Variants in GSTZ1 observed in about 807,000 individuals in gnomAD.
The protein encoded by GSTZ1 is glutathione S-transferase zeta 1.
GSTZ1 carries 34 observed loss-of-function variants against 35.9 expected under a neutral mutation model. That is an observed-to-expected ratio of 0.95 (90% CI 0.72 to 1.26). The LOEUF is 1.26. Ranked by LOEUF, GSTZ1 falls within the 50% of genes most tolerant of loss-of-function variation. GSTZ1 has a pLI of 0.00. For synonymous variants in GSTZ1, 93 were observed against 101.2 expected (o/e 0.92, Z 0.49); for missense variants, 263 against 271.7 (o/e 0.97, Z 0.23).
chr14:77,327,831 A>G (rs751343383), intron 4 of GSTZ1, 81 bp from the exon 5 acceptor site: 8 of 1,348,022 alleles, frequency 5.9e-6, no homozygotes, highest in Admixed American at 1.7e-5. Flanking sequence ...GGAAGAGGAG[A>G]AGGAGGAGTT....
Position 77,328,050 on chromosome 14 carries a change from T to G in GSTZ1, c.342+13T>G. 1 of 1,612,818 alleles carries G rather than the reference T, an allele frequency of 6.2e-7. No homozygotes were observed. The highest frequency in any genetic ancestry group is 8.5e-7 in the Non-Finnish European group (1 of 1,179,440). The stretch of plus-strand genomic sequence containing the variant: ...CCAGCCCCTGCAGGTGTGGCACTTG[T>G]ACACTTGCACCCTTGCACACCTGAC... On this transcript the variant is annotated intron_variant, in intron 5 of 8. Coordinates refer to ENST00000216465, the MANE Select transcript of GSTZ1 (RefSeq NM_145870.3).
Position 77,321,492 on chromosome 14 carries a change from G to A in GSTZ1, c.15+309G>A, listed in dbSNP as rs8177541. ...ATAACAGACCCCTCCCTCCACTAAG[G>A]CTTCCAAACGTCGCCCCAAGCCTCC... On this transcript the variant is annotated intron_variant, in intron 1 of 8. Coordinates refer to ENST00000216465, the MANE Select transcript of GSTZ1 (RefSeq NM_145870.3). The A allele has an allele frequency of 2.5e-3, 3,517 of 1,425,698 alleles. 64 individuals are homozygous for A. In the African/African-American group the frequency reaches 0.042, roughly 17 times the overall value. 88.3% of individuals were successfully genotyped at this position (1,425,698 alleles called of 1,614,324 possible).
At chr14:77,328,245 A>C in intron 5 of GSTZ1, 2 of 581,180 alleles carry the variant, frequency 3.4e-6, no homozygotes. Context: ...CGTTCCGAGA[A>C]GCTCTAGTTT....
At position 77,327,916 on chromosome 14, in the gene GSTZ1, C is replaced by G; in HGVS notation, c.221C>G (p.Ala74Gly). 6.2e-7 allele frequency: 1 copy of G among 1,613,846 alleles called. No homozygotes were observed. Among genetic ancestry groups the G allele is most frequent in the Non-Finnish European group, 8.5e-7 (1 of 1,179,888 alleles). The change falls in exon 5 of 9, where the codon GCC becomes GGC. Residue 74 changes from alanine to glycine, a missense_variant. Transcript: ENST00000216465. ...TCACTGCTCCCCTCTGGACAGCTGG[C>G]CATCATTGAGTATCTAGAGGAGATG... ...IDGITIHQSL[A>G]IIEYLEEMRP... is the part of the protein sequence containing the mutation.
chr14:77,328,227 C>T (rs182146348), intron 5 of GSTZ1, 190 bp downstream of exon 5: 191 of 621,926 alleles, frequency 3.1e-4, no homozygotes, highest in African/African-American at 2.9e-3. Flanking sequence ...CCAGCGGGTC[C>T]CCCGCTGCGT....
At position 77,324,858 on chromosome 14, in the gene GSTZ1, C is replaced by G; in HGVS notation, c.16-12C>G. ...ATGGGTTAACACGCGCCTTCATCCTCTCTCTCCTCAGCCCATCCTCTATTC... is the reference window on the plus strand; with the variant it reads ...ATGGGTTAACACGCGCCTTCATCCTGTCTCTCCTCAGCCCATCCTCTATTC... On this transcript the variant is annotated splice_polypyrimidine_tract_variant and intron_variant, in intron 1 of 8. Coordinates refer to ENST00000216465, the MANE Select transcript of GSTZ1 (RefSeq NM_145870.3). 6.2e-7 allele frequency: 1 copy of G among 1,613,870 alleles called. No individual in the cohort carries two copies. Among genetic ancestry groups the G allele is most frequent in the Non-Finnish European group, 8.5e-7 (1 of 1,179,696 alleles).
rs910377733 is a variant in GSTZ1 at position 77,327,750 on chromosome 14, A to T, written c.217-162A>T. On this transcript the variant is annotated intron_variant, in intron 4 of 8. Transcript: ENST00000216465. The stretch of plus-strand genomic sequence containing the variant: ...CACATGGAGAACCAAGTTCTGCATG[A>T]TAAGGTCCAAAAAGGCTTATAGGGC... The T allele has an allele frequency of 7.7e-5, 58 of 752,286 alleles. 2 individuals carry two copies. The Middle Eastern group carries it at 1.9e-3, about 24-fold the overall frequency. 46.6% of individuals were successfully genotyped at this position (752,286 alleles called of 1,614,324 possible).
chr14:77,329,726 A>T (rs902052133), intron 6 of GSTZ1, 29 bp from the exon 7 acceptor site: 14 of 1,596,142 alleles, frequency 8.8e-6, no homozygotes, highest in Non-Finnish European at 1.1e-5. Context: ...CTGCGCCCAG[A>T]ATAAGATGTT....
intron 1 of GSTZ1, 29 bp downstream of exon 1, chr14:77,321,212 A>G: frequency 6.6e-7 from 1 of 1,508,048 alleles, no homozygotes; most frequent in Admixed American, 2.2e-5. Context: ...GGTGGAGGGA[A>G]GCTGGTTAGA....
At chr14:77,328,276 G>T in intron 5 of GSTZ1, 1 of 525,144 alleles carries the variant, frequency 1.9e-6, no homozygotes, top group Non-Finnish European at 3.4e-6. Context: ...ATGTACAGGT[G>T]CTTGGGGTGG....
At chr14:77,321,434 C>A (rs1327856791) in intron 1 of GSTZ1, 3 of 1,524,424 alleles carry the variant, frequency 2.0e-6, no homozygotes, top group Non-Finnish European at 2.6e-6. Flanking sequence ...TGTCCGGTCG[C>A]GCTTCACTTC....
At chr14:77,330,029 G>A (rs1892536743) in intron 7 of GSTZ1, 1 of 650,968 alleles carries the variant, frequency 1.5e-6, no homozygotes, top group Non-Finnish European at 2.8e-6. Context: ...TTGAGGGATT[G>A]TGCTAGATGA....
chr14:77,328,353 G>A (rs1892446918), intron 5 of GSTZ1: 1 of 370,118 alleles, frequency 2.7e-6, no homozygotes, highest in Admixed American at 4.3e-5. Context: ...CCTTTAACCA[G>A]AGCAGCTTCC....
chr14:77,322,891 G>A (rs760305324), intron 1 of GSTZ1: 8 of 161,286 alleles, frequency 5.0e-5, no homozygotes, highest in Non-Finnish European at 1.0e-4. Context: ...GTGGCAGAGG[G>A]GAGAGGGAGC....
In GSTZ1 at chr14:77,328,154, G is replaced by A; in HGVS notation, c.342+117G>A. The A allele has an allele frequency of 2.9e-6, 3 of 1,031,434 alleles. No homozygotes were observed. The East Asian group carries it at 7.7e-5, about 27-fold the overall frequency. The allele number at this position is 1,031,434 out of a possible 1,614,324, so 63.9% of individuals were successfully genotyped here. ...GTCAAGGGAGGGAGGGGGATTCTCA[G>A]GGCCTCTGACCTGGACCATGTGAAA... On this transcript the variant is annotated intron_variant, in intron 5 of 8. Coordinates refer to ENST00000216465, the MANE Select transcript of GSTZ1 (RefSeq NM_145870.3).
Position 77,328,595 on chromosome 14 carries a change from A to G in GSTZ1, c.343-528A>G, listed in dbSNP as rs561683933. 36 of 174,070 alleles carry G rather than the reference A, an allele frequency of 2.1e-4. No individual in the cohort carries two copies. In the East Asian group the frequency reaches 5.8e-3, roughly 28 times the overall value. The allele number at this position is 174,070 out of a possible 1,614,324, so 10.8% of individuals were successfully genotyped here. A position where few individuals can be genotyped will look rare whatever the true frequency, so the allele number is the denominator to read the frequency against. Reference sequence around the variant, plus strand: ...CTGCATGCCTATGCCCTCTACCCGCATGTCGCTTTAACAAAGGATGTTGGA... The same window carrying G: ...CTGCATGCCTATGCCCTCTACCCGCGTGTCGCTTTAACAAAGGATGTTGGA... On this transcript the variant is annotated intron_variant, in intron 5 of 8. Transcript: ENST00000216465.
intron 1 of GSTZ1, among the ~76,000 whole-genome samples, chr14:77,321,928 A>G (rs1892027678): frequency 6.6e-6 from 1 of 151,200 alleles, no homozygotes; most frequent in Non-Finnish European, 1.5e-5. Context: ...CAGTCATGAC[A>G]ATCACCTGGG....
rs754166038 is a variant in GSTZ1 at position 77,326,872 on chromosome 14, G to A, written c.102G>A (p.Val34=). 1.9e-6 allele frequency: 3 copies of A among 1,607,290 alleles called. No homozygotes were observed. The highest frequency in any genetic ancestry group is 1.7e-6 in the Non-Finnish European group (2 of 1,176,228). ...LALKGIDYET[V]PINLIKDGGQ... The stretch of plus-strand genomic sequence containing the variant: ...TGAAAGGCATCGACTACGAGACGGT[G>A]CCCATCAATCTCATAAAGGATGGGG... The change falls in exon 3 of 9, where the codon GTG becomes GTA. Residue 34 remains valine (V), a synonymous_variant. Transcript: ENST00000216465.
intron 1 of GSTZ1, among the ~76,000 whole-genome samples, chr14:77,322,035 A>G (rs1892035017): frequency 1.3e-5 from 2 of 152,132 alleles, no homozygotes; most frequent in African/African-American, 4.8e-5. Flanking sequence ...ATGTTTTTAT[A>G]AGCGGTCTAG....
Sources: allele counts gnomAD v4.1 joint callset (sites outside exome capture counted in the v4.1 genomes callset), GRCh38; gene constraint gnomAD v4.1.1; transcripts MANE v1.5; gene names NCBI Gene and HGNC (gene_info 2026-07-23, HGNC 2026-07-21).